Variants in UBA52 observed in about 807,000 individuals in gnomAD.
UBA52 encodes ubiquitin A-52 residue ribosomal protein fusion product 1, also known as ubiquitin-ribosomal protein eL40 fusion protein.
A neutral mutation model predicts 15.3 loss-of-function variants in UBA52; 1 was observed. The observed-to-expected ratio is 0.07, with a 90% CI of 0.02 to 0.31. The LOEUF is 0.31. Among genes scored for constraint, UBA52 ranks in the 10% least tolerant of loss-of-function variants. The pLI, the probability that UBA52 is intolerant of heterozygous loss-of-function variation, is 1.00. For synonymous variants in UBA52, 50 were observed against 58.3 expected, an observed-to-expected ratio of 0.86 and a Z score of 0.65; for missense variants, 87 against 168.0, an observed-to-expected ratio of 0.52 and a Z score of 2.66.
At chr19:18,568,872 G>A (rs916984251), upstream of UBA52, 5 of 536,630 alleles carry the variant, frequency 9.3e-6, no homozygotes, top group South Asian at 2.3e-5. Context: ...GCCAGGGCAC[G>A]CCCATTCCAG....
the UBA52 span, among the ~76,000 whole-genome samples, chr19:18,565,939 C>T: frequency 3.9e-5 from 6 of 152,242 alleles, no homozygotes; most frequent in Middle Eastern, 3.4e-3. Flanking sequence ...CTGCCTGCCT[C>T]GGCCTCCTAA....
chr19:18,573,622 T>G, intron 2 of UBA52, 40 bp from the exon 3 acceptor site: 1 of 1,602,448 alleles, frequency 6.2e-7, no homozygotes, highest in Non-Finnish European at 8.5e-7. Flanking sequence ...GCCAGTAATA[T>G]GGTCCGCAGA....
chr19:18,573,634 C>T (rs1268302222), intron 2 of UBA52, 28 bp from the exon 3 acceptor site: 1 of 1,609,566 alleles, frequency 6.2e-7, no homozygotes, highest in Admixed American at 1.7e-5. Flanking sequence ...GTCCGCAGAG[C>T]CTCTAACTGA....
Position 18,574,835 on chromosome 19 carries a change from G to T in UBA52, c.191-35G>T, listed in dbSNP as rs771956294. 3 of 1,609,172 alleles carry T rather than the reference G, an allele frequency of 1.9e-6. No homozygotes were observed. In the East Asian group the frequency reaches 6.7e-5, roughly 36 times the overall value. Reference sequence around the variant, plus strand: ...CCCTGTGACTGAGGAGCCAGGGCTGGGCTCAGTCGCCGTCCTTCTGGCTGT... The same window carrying T: ...CCCTGTGACTGAGGAGCCAGGGCTGTGCTCAGTCGCCGTCCTTCTGGCTGT... On this transcript the variant is annotated intron_variant, in intron 3 of 4. Transcript: ENST00000442744.
At chr19:18,574,072 T>C (rs185960012) in intron 3 of UBA52, among the ~76,000 whole-genome samples, 58 of 151,984 alleles carry the variant, frequency 3.8e-4, no homozygotes, top group Admixed American at 1.1e-3. Flanking sequence ...GATCACAAGG[T>C]CAAGAGATTG....
chr19:18,574,493 C>A (rs187881135), intron 3 of UBA52, among the ~76,000 whole-genome samples: 7 of 152,112 alleles, frequency 4.6e-5, no homozygotes, highest in Middle Eastern at 3.4e-3. Flanking sequence ...GGTTTCACTA[C>A]GTTGGCCAGG....
At chr19:18,568,265 C>CAAAA (rs397859705), upstream of UBA52, 4 of 498,602 alleles carry the variant, frequency 8.0e-6, no homozygotes, top group East Asian at 3.2e-5. Flanking sequence ...AACTCCGTCT[C>CAAAA]AAAAAAAAAA....
chr19:18,573,670 C>A lies in UBA52; in HGVS notation c.112C>A (p.Pro38Thr). The A allele has an allele frequency of 6.2e-7, 1 of 1,614,126 alleles. No homozygotes were observed. Among genetic ancestry groups the A allele is most frequent in the African/African-American group, 1.3e-5 (1 of 75,044 alleles). ...AKIQDKEGIP[P>T]DQQRLIFAGK... is the part of the protein sequence containing the mutation. ...GCCTCCCTCCCCCTCAGGTATCCCA[C>A]CTGACCAGCAGCGTCTGATATTTGC... The change falls in exon 3 of 5, where the codon CCT (proline) becomes ACT (threonine). Residue 38 changes from proline to threonine, a missense_variant. Transcript: ENST00000442744.
chr19:18,569,570 GC>G (rs1975413208), upstream of UBA52, among the ~76,000 whole-genome samples: 1 of 151,862 alleles, frequency 6.6e-6, no homozygotes, highest in African/African-American at 2.4e-5. Flanking sequence ...CCCGTCACCA[GC>G]TAGGTCTTCC....
intron 3 of UBA52, among the ~76,000 whole-genome samples, chr19:18,574,435 C>T (rs1975678028): frequency 6.6e-6 from 1 of 151,706 alleles, no homozygotes; most frequent in Non-Finnish European, 1.5e-5. Context: ...ATTACAGGCA[C>T]CCGCCACCAC....
chr19:18,573,723 T>C lies in UBA52; in HGVS notation c.165T>C (p.Thr55=). The C allele has an allele frequency of 6.2e-7, 1 of 1,614,092 alleles. No individual in the cohort carries two copies. Among genetic ancestry groups the C allele is most frequent in the Middle Eastern group, 1.6e-4 (1 of 6,062 alleles). The part of the protein sequence containing the change: ...FAGKQLEDGR[T]LSDYNIQKES... ...GCAAACAGCTGGAGGATGGCCGCACTCTCTCAGACTACAACATCCAGAAAG... is the reference window on the plus strand; with the variant it reads ...GCAAACAGCTGGAGGATGGCCGCACCCTCTCAGACTACAACATCCAGAAAG... Residue 55 remains threonine (T), a synonymous_variant, in exon 3 of 5, where the codon ACT becomes ACC. Transcript: ENST00000442744.
the UBA52 span, chr19:18,565,292 C>T: frequency 5.5e-4 from 435 of 794,114 alleles, 3 homozygotes; most frequent in African/African-American, 5.6e-3. Context: ...TGCAGTGGCG[C>T]GACCTCAGCT....
At chr19:18,573,046 C>T in intron 1 of UBA52, 1 of 1,325,430 alleles carries the variant, frequency 7.5e-7, no homozygotes, top group Admixed American at 3.2e-5. Context: ...CTGAAGAGCA[C>T]CCGTGCGGTC....
intron 3 of UBA52, 49 bp from the exon 4 acceptor site, chr19:18,574,821 A>G: frequency 6.2e-7 from 1 of 1,605,026 alleles, no homozygotes; most frequent in Non-Finnish European, 8.5e-7. Flanking sequence ...CCTGTGACTG[A>G]GGAGCCAGGG....
chr19:18,565,371 A>T, the UBA52 span, among the ~76,000 whole-genome samples: 1 of 151,844 alleles, frequency 6.6e-6, no homozygotes, highest in Non-Finnish European at 1.5e-5. Context: ...CTGGGATTAC[A>T]GGTGCCTACC....
upstream of UBA52, among the ~76,000 whole-genome samples, chr19:18,569,863 A>G (rs1022712890): frequency 1.1e-4 from 17 of 152,010 alleles, no homozygotes; most frequent in African/African-American, 3.9e-4. Context: ...GTGAAACCCC[A>G]TCTCTACCAA....
intron 1 of UBA52, chr19:18,572,744 GTT>G (rs1451017354): frequency 2.0e-6 from 2 of 988,652 alleles, no homozygotes; most frequent in Non-Finnish European, 2.4e-6. Context: ...GGTCTGGAGA[GTT>G]TTGGTGTAAT....
the UBA52 span, among the ~76,000 whole-genome samples, chr19:18,564,661 T>A: frequency 6.6e-6 from 1 of 152,112 alleles, no homozygotes. Flanking sequence ...CAAGGCTACA[T>A]GAGAAGGACA....
At chr19:18,573,035 C>T (rs1325763709) in intron 1 of UBA52, 6 of 1,318,738 alleles carry the variant, frequency 4.5e-6, no homozygotes, top group Non-Finnish European at 5.9e-6. Flanking sequence ...AGTCTGTGTT[C>T]CTGAAGAGCA....
Sources: gnomAD v4.1 joint callset for allele counts (sites outside exome capture counted in the v4.1 genomes callset) on GRCh38, gnomAD v4.1.1 for gene constraint, MANE v1.5 for transcripts, NCBI Gene and HGNC (gene_info 2026-07-23, HGNC 2026-07-21) for gene names.